Variants in FAM135A observed in about 807,000 individuals in gnomAD.
FAM135A encodes the protein protein FAM135A.
Under a neutral mutation model 146.8 loss-of-function variants are expected in FAM135A, and 79 were observed. The ratio of observed to expected loss-of-function variants is 0.54; its 90% CI spans 0.45 to 0.65. The LOEUF is 0.65. Among genes scored for constraint, FAM135A ranks in the 30% least tolerant of loss-of-function variants. The pLI, the probability that FAM135A is intolerant of heterozygous loss-of-function variation, is 0.00. For missense variants in FAM135A, 1,623 were observed against 1,758.2 expected (o/e 0.92, Z 1.38); for synonymous variants, 562 against 603.6 (o/e 0.93, Z 1.01).
At position 70,536,388 on chromosome 6, in the gene FAM135A, A is replaced by G. The variant is rs765573027; in HGVS notation, c.4094A>G (p.Asn1365Ser). The change falls in exon 19 of 22, where the codon AAC becomes AGC. Residue 1365 changes from asparagine (N) to serine (S), a missense_variant. Physicochemically the swap from Asn to Ser is conservative, Grantham distance 46. Around this residue, in one of 7 missense-constraint regions of FAM135A, gnomAD observed 8 missense variants for 24.1 expected, o/e 0.33. Coordinates refer to ENST00000418814, the MANE Select transcript of FAM135A (RefSeq NM_001162529.3). ...GGACCTCACCTTGGTACACTCTACA[A>G]CAGCAGTGCTCTTGTTAATACAGGT... ...LSGPHLGTLY[N>S]SSALVNTGLW... 6.2e-7 allele frequency: 1 copy of G among 1,609,838 alleles called. No individual in the cohort carries two copies.
chr6:70,536,800 CA>C lies in FAM135A; in HGVS notation c.4117+394del, dbSNP rs1311605982. 5.3e-5 allele frequency among the ~76,000 whole-genome samples: 8 copies of C among 151,704 alleles called. No individual in the cohort carries two copies. In the South Asian group the frequency reaches 1.2e-3, roughly 24 times the overall value. On this transcript the variant is annotated intron_variant, in intron 19 of 21. Coordinates refer to ENST00000418814, the MANE Select transcript of FAM135A (RefSeq NM_001162529.3). ...TATAGAATATTAGCTAATTTTGGTTCAAAAAGAGTAAAGAGATATGAGAATA... is the reference window on the plus strand; with the variant it reads ...TATAGAATATTAGCTAATTTTGGTTCAAAAGAGTAAAGAGATATGAGAATA...
intron 20 of FAM135A, among the ~76,000 whole-genome samples, chr6:70,547,479 G>T (rs1253329124): frequency 2.0e-5 from 3 of 152,116 alleles, no homozygotes; most frequent in Non-Finnish European, 4.4e-5. Context: ...GAACATTGTA[G>T]CATGTTTAGC....
chr6:70,525,412 G>T lies in FAM135A; in HGVS notation c.2328G>T (p.Pro776=). 1 of 1,613,676 alleles carries T rather than the reference G, an allele frequency of 6.2e-7. No homozygotes were observed. The highest frequency in any genetic ancestry group is 8.5e-7 in the Non-Finnish European group (1 of 1,179,698). ...RFSDSGVESE[P]SSFATHPNTD... is the part of the protein sequence containing the mutation. Reference sequence around the variant, plus strand: ...CAGATTCAGGTGTTGAAAGTGAACCGAGTTCTTTTGCGACACATCCAAACA... The same window carrying T: ...CAGATTCAGGTGTTGAAAGTGAACCTAGTTCTTTTGCGACACATCCAAACA... The change falls in exon 15 of 22, where the codon CCG becomes CCT. Residue 776 remains proline (P), a synonymous_variant. Transcript: ENST00000418814.
In FAM135A at chr6:70,524,991, C is replaced by T. The variant is rs543474354; in HGVS notation, c.1907C>T (p.Ser636Phe). The T allele has an allele frequency of 1.9e-6, 3 of 1,601,734 alleles. No individual in the cohort carries two copies. The highest frequency in any genetic ancestry group is 2.6e-6 in the Non-Finnish European group (3 of 1,175,446). ...EITQMEHNLA[S>F]RRSSDDCHDH... ...ACACAAATGGAACACAATCTGGCAT[C>T]CAGAAGGTCATCAGACGATTGCCAT... Residue 636 changes from serine (S) to phenylalanine (F), a missense_variant, in exon 15 of 22, where the codon TCC becomes TTC. Transcript: ENST00000418814.
chr6:70,535,418 C>T (rs1489637594), intron 18 of FAM135A, among the ~76,000 whole-genome samples: 1 of 152,154 alleles, frequency 6.6e-6, no homozygotes, highest in Non-Finnish European at 1.5e-5. Context: ...GACCTCACAG[C>T]AGGAGCACTG....
intron 2 of FAM135A, among the ~76,000 whole-genome samples, chr6:70,418,887 T>G (rs1768137148): frequency 6.6e-6 from 1 of 152,236 alleles, no homozygotes; most frequent in Non-Finnish European, 1.5e-5. Flanking sequence ...GCTGATTGTT[T>G]GCAGTTTACT....
At chr6:70,506,201 C>CT in intron 12 of FAM135A, among the ~76,000 whole-genome samples, 1 of 152,160 alleles carries the variant, frequency 6.6e-6, no homozygotes, top group East Asian at 1.9e-4. Context: ...CACTGACATT[C>CT]TTTTTTTGGA....
At chr6:70,550,057 C>T (rs1799538747) in intron 20 of FAM135A, among the ~76,000 whole-genome samples, 2 of 152,202 alleles carry the variant, frequency 1.3e-5, no homozygotes, top group South Asian at 4.1e-4. Context: ...CATGAGATTG[C>T]AGCCATTCAG....
chr6:70,553,347 C>T (rs1276767659), intron 20 of FAM135A, among the ~76,000 whole-genome samples: 1 of 152,214 alleles, frequency 6.6e-6, no homozygotes, highest in Non-Finnish European at 1.5e-5. Context: ...AGAGATACAG[C>T]ATTTTAACCC....
intron 5 of FAM135A, among the ~76,000 whole-genome samples, chr6:70,463,342 T>G (rs1779778413): frequency 6.6e-6 from 1 of 151,642 alleles, no homozygotes; most frequent in African/African-American, 2.4e-5. Context: ...CTTGAACACC[T>G]GGGCTCAAGT....
chr6:70,521,999 C>A (rs1232204192), intron 12 of FAM135A, among the ~76,000 whole-genome samples: 1 of 152,134 alleles, frequency 6.6e-6, no homozygotes, highest in Non-Finnish European at 1.5e-5. Context: ...TCACTGCAAC[C>A]CCTGCCTCCT....
At chr6:70,542,278 C>CACACACACACACACACACACACACACACA (rs1424633787) in intron 20 of FAM135A, among the ~76,000 whole-genome samples, 3 of 106,746 alleles carry the variant, frequency 2.8e-5, no homozygotes, top group African/African-American at 1.1e-4. Flanking sequence ...ACACACACAC[C>CACACACACACACACACACACACACACACA]CTTTGCTGTG....
chr6:70,446,596 G>A (rs1374469566), intron 4 of FAM135A, among the ~76,000 whole-genome samples: 4 of 152,194 alleles, frequency 2.6e-5, no homozygotes, highest in African/African-American at 9.7e-5. Flanking sequence ...GGAATGCCTT[G>A]ATTATGGGAG....
At chr6:70,443,461 A>G (rs753200630) in intron 4 of FAM135A, among the ~76,000 whole-genome samples, 2 of 152,246 alleles carry the variant, frequency 1.3e-5, no homozygotes, top group African/African-American at 2.4e-5. Context: ...GCTATGTGGT[A>G]TAGTCTACGT....
chr6:70,518,281 CTT>C (rs140635783), intron 12 of FAM135A, among the ~76,000 whole-genome samples: 2,871 of 152,280 alleles, frequency 0.019, 94 homozygotes, highest in African/African-American at 0.065. Flanking sequence ...GGTCCTAACT[CTT>C]TTCAATTCTA....
At position 70,443,470 on chromosome 6, in the gene FAM135A, G is replaced by A. The variant is rs576039758; in HGVS notation, c.78-9022G>A. 9.2e-5 allele frequency among the ~76,000 whole-genome samples: 14 copies of A among 152,344 alleles called. No homozygotes were observed. In the South Asian group the frequency reaches 2.5e-3, roughly 27 times the overall value. ...CAATGAGCTATGTGGTATAGTCTAC[G>A]TGTGTAGTATAACCAGCAGGTTTGT... On this transcript the variant is annotated intron_variant, in intron 4 of 21. Transcript: ENST00000418814.
rs374213190 is a variant in FAM135A at position 70,533,744 on chromosome 6, G to A, written c.3868-13G>A. 5 of 1,495,458 alleles carry A rather than the reference G, an allele frequency of 3.3e-6. No individual in the cohort carries two copies. The highest frequency in any genetic ancestry group is 2.0e-5 in the Admixed American group (1 of 51,094). 92.6% of individuals were successfully genotyped at this position (1,495,458 alleles called of 1,614,324 possible). A position where few individuals can be genotyped will look rare whatever the true frequency, so the allele number is the denominator to read the frequency against. On this transcript the variant is annotated splice_polypyrimidine_tract_variant and intron_variant, in intron 17 of 21. Transcript: ENST00000418814. ...TTCCCAAATATAATGTATGTGCTTT[G>A]CTTTCTTTTTAGAATGATACTTTTG...
intron 5 of FAM135A, among the ~76,000 whole-genome samples, chr6:70,464,127 A>G (rs140881884): frequency 6.6e-6 from 1 of 152,352 alleles, no homozygotes; most frequent in Admixed American, 6.5e-5. Flanking sequence ...CTTGGTCACA[A>G]AGTAAATGAA....
intron 18 of FAM135A, among the ~76,000 whole-genome samples, chr6:70,534,726 G>A (rs1364952853): frequency 2.0e-5 from 3 of 152,288 alleles, no homozygotes; most frequent in African/African-American, 7.2e-5. Context: ...ATGTAGGAGA[G>A]AAGAGTCTTT....
Sources: gnomAD v4.1 joint callset for allele counts (sites outside exome capture counted in the v4.1 genomes callset) on GRCh38, gnomAD v4.1.1 for gene constraint, gnomAD v4.1.1 regional missense constraint, MANE v1.5 for transcripts, NCBI Gene and HGNC (gene_info 2026-07-23, HGNC 2026-07-21) for gene names.